POU2F3: variants seen among roughly 807,000 people sequenced by gnomAD.
POU2F3 encodes POU domain, class 2, transcription factor 3.
A neutral mutation model predicts 59.2 loss-of-function variants in POU2F3; 23 were observed. That is an observed-to-expected ratio of 0.39 (90% confidence interval 0.28 to 0.55). POU2F3 has a LOEUF of 0.55. Among genes scored for constraint, POU2F3 ranks in the 20% least tolerant of loss-of-function variants. The pLI, the probability that POU2F3 is intolerant of heterozygous loss-of-function variation, is 0.66. For missense variants in POU2F3, 473 were observed against 544.5 expected (o/e 0.87, Z 1.31); for synonymous variants, 190 against 214.6 (o/e 0.89, Z 1.00).
In POU2F3 at chr11:120,240,244, C is replaced by G. The variant is rs1011477439; in HGVS notation, c.-100C>G. The stretch of plus-strand genomic sequence containing the variant: ...CAGCGGCTCCCGCGGCGGCGGCGGC[C>G]GGGAACTGGAGGAAGGAGACCCTGG... On this transcript the variant is annotated 5_prime_UTR_variant, in exon 1 of 13. Transcript: ENST00000543440. 40 of 1,251,658 alleles carry G rather than the reference C, an allele frequency of 3.2e-5. 1 individual carries two copies. In the Admixed American group the frequency reaches 1.3e-3, roughly 41 times the overall value. 77.5% of individuals were successfully genotyped at this position (1,251,658 alleles called of 1,614,324 possible).
At chr11:120,247,595 C>T (rs1036526517) in intron 2 of POU2F3, among the ~76,000 whole-genome samples, 2 of 152,156 alleles carry the variant, frequency 1.3e-5, no homozygotes, top group African/African-American at 2.4e-5. Context: ...GAATGTGGGC[C>T]GGTCACACTC....
At chr11:120,241,780 T>C (rs1938674820) in intron 1 of POU2F3, among the ~76,000 whole-genome samples, 1 of 152,170 alleles carries the variant, frequency 6.6e-6, no homozygotes, top group East Asian at 1.9e-4. Flanking sequence ...CCTTGTCTAC[T>C]GGAGGCTCCC....
At chr11:120,246,549 G>A in intron 2 of POU2F3, 32 bp downstream of exon 2, 4 of 1,606,154 alleles carry the variant, frequency 2.5e-6, no homozygotes, top group Non-Finnish European at 3.4e-6. Flanking sequence ...GGATGGAGGG[G>A]GTGGGGGGAA....
chr11:120,238,943 A>G (rs899817960), upstream of POU2F3, among the ~76,000 whole-genome samples: 1 of 152,150 alleles, frequency 6.6e-6, no homozygotes, highest in African/African-American at 2.4e-5. Context: ...TTTGAGGACT[A>G]AACAAGAACT....
chr11:120,317,046 C>T, intron 11 of POU2F3, 183 bp from the exon 12 acceptor site: 1 of 664,754 alleles, frequency 1.5e-6, no homozygotes, highest in East Asian at 2.7e-5. Context: ...GACGACAGCC[C>T]CTCTGGGTGT....
At chr11:120,287,764 A>T (rs531613501) in intron 3 of POU2F3, among the ~76,000 whole-genome samples, 136 of 152,336 alleles carry the variant, frequency 8.9e-4, no homozygotes, top group Non-Finnish European at 1.1e-3. Flanking sequence ...GCCAAAGCAC[A>T]AGTCAAGTGT....
chr11:120,267,491 C>T (rs948405), intron 2 of POU2F3, among the ~76,000 whole-genome samples: 93,279 of 151,704 alleles, frequency 0.61, 28,999 homozygotes, highest in East Asian at 0.66. Context: ...TCTCACCTCT[C>T]CCTCTTTCTC....
chr11:120,305,259 G>A, intron 7 of POU2F3, 47 bp downstream of exon 7: 2 of 1,585,476 alleles, frequency 1.3e-6, no homozygotes, highest in South Asian at 1.1e-5. Context: ...CGAGCGGCTG[G>A]AGACTGGGCT....
At chr11:120,252,283 T>C (rs1486180156) in intron 2 of POU2F3, among the ~76,000 whole-genome samples, 1 of 149,934 alleles carries the variant, frequency 6.7e-6, no homozygotes, top group Non-Finnish European at 1.5e-5. Flanking sequence ...CTTGGCTCAC[T>C]GCAACCTCCG....
intron 3 of POU2F3, among the ~76,000 whole-genome samples, chr11:120,288,832 G>GTATGTATTACATACT (rs1940919899): frequency 2.0e-5 from 3 of 149,672 alleles, no homozygotes; most frequent in Admixed American, 2.0e-4. Context: ...TATTACATAT[G>GTATGTATTACATACT]TACATGTATG....
chr11:120,318,374 T>C lies in POU2F3; in HGVS notation c.1293T>C (p.His431=), dbSNP rs1304192935. The change falls in exon 13 of 13, where the codon CAT becomes CAC. Residue 431 remains histidine, a synonymous_variant. Transcript: ENST00000543440. ...NSSGSWYRWN[H]STYLH is the part of the protein sequence containing the mutation. ...CCAGATCTTGGTACCGATGGAATCATTCCACCTACCTCCACTGAGACCAAA... is the reference window on the plus strand; with the variant it reads ...CCAGATCTTGGTACCGATGGAATCACTCCACCTACCTCCACTGAGACCAAA... The C allele has an allele frequency of 2.5e-6, 4 of 1,606,068 alleles. No homozygotes were observed. The highest frequency in any genetic ancestry group is 1.7e-5 in the Admixed American group (1 of 60,000).
chr11:120,308,659 C>T (rs1941564498), intron 9 of POU2F3, among the ~76,000 whole-genome samples: 1 of 151,886 alleles, frequency 6.6e-6, no homozygotes, highest in African/African-American at 2.4e-5. Context: ...CAAGGCAGGC[C>T]AGGCATGGTG....
At position 120,305,184 on chromosome 11, in the gene POU2F3, A is replaced by G. The variant is rs539370554; in HGVS notation, c.599A>G (p.Gln200Arg). ...GAGAAGTTTGCCAAGACCTTCAAGCAGAGGCGCATTAAGCTGGGCTTCACA... is the reference window on the plus strand; with the variant it reads ...GAGAAGTTTGCCAAGACCTTCAAGCGGAGGCGCATTAAGCTGGGCTTCACA... ...ELEKFAKTFK[Q>R]RRIKLGFTQG... The change falls in exon 7 of 13, where the codon CAG becomes CGG. Residue 200 changes from glutamine to arginine, a missense_variant. Physicochemically the swap from Gln to Arg is conservative, Grantham distance 43. Transcript: ENST00000543440. 1.1e-5 allele frequency: 18 copies of G among 1,613,894 alleles called. No individual in the cohort carries two copies. The Admixed American group carries it at 2.0e-4, about 18-fold the overall frequency.
Position 120,260,772 on chromosome 11 carries a change from G to A in POU2F3, c.98-8438G>A, listed in dbSNP as rs7125107. ...CGATGAGTCCTCAGACATTCTCCGA[G>A]TTTGAGATGCCAGAACCTCGCACGG... On this transcript the variant is annotated intron_variant, in intron 2 of 12. Transcript: ENST00000543440. Among the ~76,000 whole-genome samples, 360 of 152,298 alleles carry A rather than the reference G, an allele frequency of 2.4e-3. 2 individuals carry two copies. Among genetic ancestry groups the A allele is most frequent in the African/African-American group, 8.1e-3 (335 of 41,566 alleles).
At chr11:120,288,447 C>T (rs1016318698) in intron 3 of POU2F3, among the ~76,000 whole-genome samples, 2 of 152,124 alleles carry the variant, frequency 1.3e-5, no homozygotes, top group Non-Finnish European at 2.9e-5. Flanking sequence ...GGAAGGATTC[C>T]TGAGAAAATC....
At chr11:120,256,237 G>C (rs1340941700) in intron 2 of POU2F3, 1 of 152,120 alleles carries the variant, frequency 6.6e-6, no homozygotes, top group Non-Finnish European at 1.5e-5. Flanking sequence ...CTGACTTTGG[G>C]GTAGTTACTT....
At chr11:120,305,885 A>C (rs1591439087) in intron 8 of POU2F3, 100 bp downstream of exon 8, 2 of 1,393,764 alleles carry the variant, frequency 1.4e-6, no homozygotes, top group East Asian at 2.4e-5. Context: ...GATACCTAAC[A>C]CCCCCTTCTT....
intron 10 of POU2F3, among the ~76,000 whole-genome samples, chr11:120,314,646 G>C (rs1565392541): frequency 6.6e-6 from 1 of 152,146 alleles, no homozygotes; most frequent in Non-Finnish European, 1.5e-5. Context: ...CTTACTCCCA[G>C]ACCTGTTGGG....
chr11:120,264,550 C>T (rs912852684), intron 2 of POU2F3, among the ~76,000 whole-genome samples: 6 of 152,276 alleles, frequency 3.9e-5, no homozygotes, highest in Admixed American at 3.9e-4. Flanking sequence ...GCAAAGTCCC[C>T]AACACAAGAT....
Sources: gnomAD v4.1 joint callset for allele counts (sites outside exome capture counted in the v4.1 genomes callset) on GRCh38, gnomAD v4.1.1 for gene constraint, MANE v1.5 for transcripts, NCBI Gene and HGNC (gene_info 2026-07-23, HGNC 2026-07-21) for gene names.